Variants in FGF12 observed in about 807,000 individuals in gnomAD.
FGF12 encodes the protein fibroblast growth factor 12B.
In FGF12, 14 loss-of-function variants were observed where a neutral mutation model predicts 23.6. The ratio of observed to expected loss-of-function variants is 0.59; its 90% CI spans 0.39 to 0.93. The LOEUF (loss-of-function observed/expected upper bound fraction) is 0.93, where lower values mean the gene tolerates loss of function less well. FGF12 is among the 40% of genes least tolerant of loss of function. FGF12 has a pLI of 0.00. For missense variants in FGF12, 175 were observed against 217.8 expected (o/e 0.80, Z 1.24); for synonymous variants, 62 against 77.3 (o/e 0.80, Z 1.04).
chr3:192,228,241 T>C (rs1220232318), intron 4 of FGF12, among the ~76,000 whole-genome samples: 1 of 152,086 alleles, frequency 6.6e-6, no homozygotes, highest in Admixed American at 6.6e-5. Flanking sequence ...AAACATTACA[T>C]TGTACTCCAT....
chr3:192,305,862 T>TTTC (rs1156648961), intron 4 of FGF12, among the ~76,000 whole-genome samples: 3 of 129,112 alleles, frequency 2.3e-5, no homozygotes, highest in African/African-American at 9.2e-5. Context: ...TGGTTTTTTT[T>TTTC]TTTTTTTTTT....
In FGF12 at chr3:192,142,055, C is replaced by T. The variant is rs1385608899; in HGVS notation, c.*1954G>A. 2 of 152,222 alleles carry T rather than the reference C, an allele frequency of 1.3e-5. No homozygotes were observed. Among genetic ancestry groups the T allele is most frequent in the African/African-American group, 4.8e-5 (2 of 41,364 alleles). The allele number at this position is 152,222 out of a possible 1,614,324, so 9.4% of individuals were successfully genotyped here. Reference sequence around the variant, plus strand: ...GTATTCTTTTCCTAGAAGAGCAAGTCCATTTTTAGAAAATTTAAATGTCTT... The same window carrying T: ...GTATTCTTTTCCTAGAAGAGCAAGTTCATTTTTAGAAAATTTAAATGTCTT... On this transcript the variant is annotated 3_prime_UTR_variant, in exon 6 of 6. Coordinates refer to ENST00000445105, the MANE Select transcript of FGF12 (RefSeq NM_004113.6).
chr3:192,269,941 G>T (rs59100592), intron 4 of FGF12, among the ~76,000 whole-genome samples: 1 of 152,074 alleles, frequency 6.6e-6, no homozygotes, highest in East Asian at 1.9e-4. Context: ...GTTATAAAGA[G>T]AAACAAAACT....
chr3:192,227,496 A>G (rs915358068), intron 4 of FGF12, among the ~76,000 whole-genome samples: 1 of 151,644 alleles, frequency 6.6e-6, no homozygotes, highest in African/African-American at 2.4e-5. Context: ...CTAATGGAAT[A>G]TGGAAAGCAA....
intron 2 of FGF12, among the ~76,000 whole-genome samples, chr3:192,633,841 C>A (rs1042449137): frequency 3.9e-5 from 6 of 152,174 alleles, no homozygotes; most frequent in African/African-American, 1.4e-4. Context: ...TCAGTAACCT[C>A]TCTCACATCT....
chr3:192,416,443 T>C (rs1156504436), intron 2 of FGF12, among the ~76,000 whole-genome samples: 1 of 152,090 alleles, frequency 6.6e-6, no homozygotes, highest in Non-Finnish European at 1.5e-5. Context: ...AGGACCTAAA[T>C]TGGTGAAAAT....
At chr3:192,222,573 C>A (rs1337775432) in intron 4 of FGF12, among the ~76,000 whole-genome samples, 1 of 152,072 alleles carries the variant, frequency 6.6e-6, no homozygotes, top group East Asian at 1.9e-4. Context: ...TTGGCAGATA[C>A]CAATTGAATT....
chr3:192,627,851 C>CGTGTGTGTGTGT (rs1491518275), intron 2 of FGF12, among the ~76,000 whole-genome samples: 3 of 123,356 alleles, frequency 2.4e-5, no homozygotes, highest in Non-Finnish European at 1.9e-5. Context: ...TGTGTGTGTG[C>CGTGTGTGTGTGT]ATGTGTGTGT....
chr3:192,155,098 T>G (rs1475157619), intron 5 of FGF12, among the ~76,000 whole-genome samples: 4 of 150,264 alleles, frequency 2.7e-5, no homozygotes, highest in Non-Finnish European at 4.4e-5. Flanking sequence ...TGTCACCCCT[T>G]TCTTTGACTC....
intron 3 of FGF12, among the ~76,000 whole-genome samples, chr3:192,350,523 A>C (rs1369034159): frequency 6.6e-6 from 1 of 152,128 alleles, no homozygotes; most frequent in East Asian, 1.9e-4. Context: ...GATTAACTAG[A>C]AAAGATCTTT....
chr3:192,417,739 A>G (rs1276161027), intron 2 of FGF12, among the ~76,000 whole-genome samples: 1 of 152,088 alleles, frequency 6.6e-6, no homozygotes, highest in Non-Finnish European at 1.5e-5. Flanking sequence ...TACATCTAGC[A>G]GATACTGAAC....
At position 192,727,498 on chromosome 3, in the gene FGF12, T is replaced by C. The variant is rs1719264656; in HGVS notation, c.-145A>G. ...TTTTTTTTTACCTGGGTCTGGAAGC[T>C]GCAGGCAGGAGCTGTCCTCCGAGCG... On this transcript the variant is annotated 5_prime_UTR_variant, in exon 1 of 6. Coordinates refer to ENST00000445105, the MANE Select transcript of FGF12 (RefSeq NM_004113.6). 1 of 603,024 alleles carries C rather than the reference T, an allele frequency of 1.7e-6. No homozygotes were observed. The highest frequency in any genetic ancestry group is 2.8e-6 in the Non-Finnish European group (1 of 362,652). 37.4% of individuals were successfully genotyped at this position (603,024 alleles called of 1,614,324 possible).
At chr3:192,206,343 A>G (rs950417394) in intron 4 of FGF12, among the ~76,000 whole-genome samples, 1 of 152,244 alleles carries the variant, frequency 6.6e-6, no homozygotes, top group Non-Finnish European at 1.5e-5. Context: ...CTGAAATCAG[A>G]TATGAGATTA....
intron 4 of FGF12, among the ~76,000 whole-genome samples, chr3:192,236,122 G>C (rs1719281541): frequency 6.6e-6 from 1 of 152,148 alleles, no homozygotes; most frequent in Non-Finnish European, 1.5e-5. Flanking sequence ...TCACACAAAA[G>C]TCATTCAGGG....
chr3:192,396,176 G>A (rs1448513345), intron 2 of FGF12, among the ~76,000 whole-genome samples: 1 of 152,184 alleles, frequency 6.6e-6, no homozygotes, highest in East Asian at 1.9e-4. Flanking sequence ...AGGAGAAACA[G>A]TCCAAAATAA....
At position 192,446,169 on chromosome 3, in the gene FGF12, A is replaced by C. The variant is rs576128138; in HGVS notation, c.14-85631T>G. ...TACAGAAAAGTGAGACTATACCCAG[A>C]CACTGAACAGAAATATAAACATTAA... is the stretch of plus-strand genomic sequence containing the variant. On this transcript the variant is annotated intron_variant, in intron 2 of 5. Transcript: ENST00000445105. Among the ~76,000 whole-genome samples, 6 of 152,352 alleles carry C rather than the reference A, an allele frequency of 3.9e-5. 1 individual carries two copies. The South Asian group carries it at 1.2e-3, about 32-fold the overall frequency.
chr3:192,696,509 T>G (rs984899074), intron 2 of FGF12, among the ~76,000 whole-genome samples: 1 of 152,096 alleles, frequency 6.6e-6, no homozygotes, highest in African/African-American at 2.4e-5. Flanking sequence ...CAAAAGCTAG[T>G]ACATTGCAGG....
At chr3:192,407,434 G>C (rs535861136) in intron 2 of FGF12, among the ~76,000 whole-genome samples, 1 of 152,270 alleles carries the variant, frequency 6.6e-6, no homozygotes, top group African/African-American at 2.4e-5. Context: ...AAGTGAAAGA[G>C]CATGAGGGAA....
intron 2 of FGF12, among the ~76,000 whole-genome samples, chr3:192,426,951 T>G (rs540387757): frequency 1.1e-3 from 161 of 152,352 alleles, no homozygotes; most frequent in African/African-American, 3.8e-3. Context: ...AAATACTTAC[T>G]GATACGATTA....
Sources: allele counts gnomAD v4.1 joint callset (sites outside exome capture counted in the v4.1 genomes callset), GRCh38; gene constraint gnomAD v4.1.1; transcripts MANE v1.5; gene names NCBI Gene and HGNC (gene_info 2026-07-23, HGNC 2026-07-21).